DGKB: variants seen among roughly 807,000 people sequenced by gnomAD.
DGKB encodes 90 kDa diacylglycerol kinase.
DGKB carries 67 observed loss-of-function variants against 114.3 expected under a neutral mutation model. The ratio of observed to expected loss-of-function variants is 0.59; its 90% confidence interval spans 0.48 to 0.72. The LOEUF (loss-of-function observed/expected upper bound fraction) is 0.72. Among genes scored for constraint, DGKB ranks in the 30% least tolerant of loss-of-function variants. The pLI is 0.00. For synonymous variants in DGKB, 398 were observed against 323.1 expected, an observed-to-expected ratio of 1.23 and a Z score of -2.49; for missense variants, 907 against 975.2, an observed-to-expected ratio of 0.93 and a Z score of 0.93.
intron 4 of DGKB, among the ~76,000 whole-genome samples, chr7:14,737,361 C>T (rs542430116): frequency 1.5e-5 from 2 of 132,052 alleles, no homozygotes; most frequent in East Asian, 4.8e-4. Context: ...CTGGCTGATG[C>T]TCTTAGTTTT....
At chr7:14,794,029 C>A (rs891383208) in intron 2 of DGKB, among the ~76,000 whole-genome samples, 2 of 152,150 alleles carry the variant, frequency 1.3e-5, no homozygotes, top group African/African-American at 4.8e-5. Flanking sequence ...AGTTCTTAGA[C>A]ATTCAGACTT....
chr7:14,612,152 C>G (rs1189385565), intron 16 of DGKB, among the ~76,000 whole-genome samples: 1 of 92,710 alleles, frequency 1.1e-5, no homozygotes, highest in African/African-American at 3.2e-5. Flanking sequence ...AAATCTTATA[C>G]TCATTTTATT....
At chr7:14,414,286 A>G (rs559355274) in intron 21 of DGKB, among the ~76,000 whole-genome samples, 88 of 152,106 alleles carry the variant, frequency 5.8e-4, no homozygotes, top group Non-Finnish European at 1.0e-3. Context: ...TTACCCTCCA[A>G]AAGTAAAACA....
intron 13 of DGKB, among the ~76,000 whole-genome samples, chr7:14,656,733 C>G (rs1441374197): frequency 7.9e-6 from 1 of 125,908 alleles, no homozygotes; most frequent in East Asian, 2.3e-4. Context: ...GATATATATA[C>G]AGTATATATA....
At chr7:14,203,773 G>A (rs1234180407) in intron 23 of DGKB, among the ~76,000 whole-genome samples, 2 of 151,948 alleles carry the variant, frequency 1.3e-5, no homozygotes, top group Non-Finnish European at 2.9e-5. Flanking sequence ...AGATCAAAGT[G>A]CTTCTTAAAA....
Position 14,630,267 on chromosome 7 carries a change from G to C in DGKB, c.1136C>G (p.Thr379Ser). ...AACTGAAACTCCTGAAGTGGGCAGA[G>C]TCTGCTGAAAAAGAGAAGTTCATAT... is the stretch of plus-strand genomic sequence containing the variant. ...PPTTICPVVL[T>S]LPTSGVSVPE... Residue 379 changes from threonine (T) to serine (S), a missense_variant and splice_region_variant, in exon 14 of 26, where the codon ACT (threonine) becomes AGT (serine). Physicochemically the swap from Thr to Ser is moderately conservative, Grantham distance 58 (BLOSUM62 1). Coordinates refer to ENST00000402815, the MANE Select transcript of DGKB (RefSeq NM_001350709.2). 2.6e-6 allele frequency: 4 copies of C among 1,556,094 alleles called. No individual in the cohort carries two copies. Among genetic ancestry groups the C allele is most frequent in the Non-Finnish European group, 3.5e-6 (4 of 1,150,576 alleles).
At chr7:14,506,852 T>G (rs1049082848) in intron 20 of DGKB, among the ~76,000 whole-genome samples, 4 of 152,210 alleles carry the variant, frequency 2.6e-5, no homozygotes, top group Non-Finnish European at 5.9e-5. Context: ...AGTTGACCAT[T>G]GATTAGCTCT....
chr7:14,266,490 A>G (rs1032243241), intron 23 of DGKB, among the ~76,000 whole-genome samples: 1 of 152,234 alleles, frequency 6.6e-6, no homozygotes, highest in Non-Finnish European at 1.5e-5. Flanking sequence ...TTCTTAGAAG[A>G]GCATCCATAA....
intron 21 of DGKB, among the ~76,000 whole-genome samples, chr7:14,450,135 G>A (rs1831269488): frequency 6.6e-6 from 1 of 151,938 alleles, no homozygotes. Context: ...CAAAATAGAT[G>A]AAACCAAGAC....
intron 2 of DGKB, among the ~76,000 whole-genome samples, chr7:14,766,586 T>G (rs547626674): frequency 6.6e-6 from 1 of 152,010 alleles, no homozygotes; most frequent in East Asian, 1.9e-4. Context: ...TATCCAAGTG[T>G]AGCCATTAGG....
chr7:14,382,305 C>A (rs1231376581), intron 21 of DGKB, among the ~76,000 whole-genome samples: 1 of 151,772 alleles, frequency 6.6e-6, no homozygotes, highest in Non-Finnish European at 1.5e-5. Flanking sequence ...TTTTTTTGTC[C>A]ACCAAAGGAT....
chr7:14,922,819 C>A (rs1219087399), intron 1 of DGKB, among the ~76,000 whole-genome samples: 1 of 151,808 alleles, frequency 6.6e-6, no homozygotes, highest in Non-Finnish European at 1.5e-5. Flanking sequence ...TCAAGCTAAA[C>A]ACCATACCCA....
intron 21 of DGKB, among the ~76,000 whole-genome samples, chr7:14,403,627 G>A (rs1026896348): frequency 6.6e-6 from 1 of 151,780 alleles, no homozygotes; most frequent in Admixed American, 6.6e-5. Flanking sequence ...AGAACTCTTA[G>A]GGAACCCTAA....
At chr7:14,758,928 G>GATAC (rs57342193) in intron 2 of DGKB, among the ~76,000 whole-genome samples, 2,292 of 146,952 alleles carry the variant, frequency 0.016, 25 homozygotes, top group South Asian at 0.042. Context: ...TAGATAGATA[G>GATAC]ATAGATACAT....
chr7:14,514,929 A>T (rs1039761554), intron 20 of DGKB, among the ~76,000 whole-genome samples: 1 of 152,144 alleles, frequency 6.6e-6, no homozygotes, highest in Non-Finnish European at 1.5e-5. Flanking sequence ...CCGCAGTCCT[A>T]GTTACTCAGG....
intron 20 of DGKB, among the ~76,000 whole-genome samples, chr7:14,525,242 C>A (rs1472890408): frequency 6.6e-6 from 1 of 152,186 alleles, no homozygotes; most frequent in Non-Finnish European, 1.5e-5. Context: ...TTTATCCATT[C>A]TGTAGCCCTG....
At chr7:14,729,346 T>A (rs1290546904) in intron 5 of DGKB, among the ~76,000 whole-genome samples, 1 of 151,604 alleles carries the variant, frequency 6.6e-6, no homozygotes, top group African/African-American at 2.4e-5. Flanking sequence ...ATGGTCTCGA[T>A]CTCCTGACCT....
At chr7:14,877,751 A>G (rs1853533820) in intron 1 of DGKB, among the ~76,000 whole-genome samples, 1 of 152,184 alleles carries the variant, frequency 6.6e-6, no homozygotes, top group Non-Finnish European at 1.5e-5. Flanking sequence ...GTTGACTTCA[A>G]ATTTTAACCT....
chr7:14,194,494 T>C (rs1215020339), intron 23 of DGKB, among the ~76,000 whole-genome samples: 3 of 152,106 alleles, frequency 2.0e-5, no homozygotes, highest in East Asian at 3.9e-4. Context: ...TGTGGAATAG[T>C]AAAAATAATT....
Sources: allele counts gnomAD v4.1 joint callset (sites outside exome capture counted in the v4.1 genomes callset), GRCh38; gene constraint gnomAD v4.1.1; transcripts MANE v1.5; gene names NCBI Gene and HGNC (gene_info 2026-07-23, HGNC 2026-07-21).